Variants in NBEAL1 observed in about 807,000 individuals in gnomAD.
The protein encoded by NBEAL1 is neurobeachin-like protein 1.
Under a neutral mutation model 351.3 loss-of-function variants are expected in NBEAL1, and 273 were observed. The ratio of observed to expected loss-of-function variants is 0.78; its 90% CI spans 0.70 to 0.86. The LOEUF (loss-of-function observed/expected upper bound fraction) is 0.86. Ranked by LOEUF, NBEAL1 falls within the 40% of genes least tolerant of loss-of-function variation. NBEAL1 has a pLI of 0.00. For synonymous variants in NBEAL1, 1,050 were observed against 1,086.4 expected, an observed-to-expected ratio of 0.97 and a Z score of 0.66; for missense variants, 2,961 against 3,201.3, an observed-to-expected ratio of 0.92 and a Z score of 1.81.
At position 203,016,166 on chromosome 2, in the gene NBEAL1, T is replaced by C. The variant is rs1346789999; in HGVS notation, c.-219T>C. On this transcript the variant is annotated 5_prime_UTR_variant, in exon 2 of 56. Coordinates refer to ENST00000683969, the MANE Select transcript of NBEAL1 (RefSeq NM_001378026.1). ...TTTTCTCTTTCACAGATTTATTTAATTGCCCAACTACCACTGATGAAGATA... is the reference window on the plus strand; with the variant it reads ...TTTTCTCTTTCACAGATTTATTTAACTGCCCAACTACCACTGATGAAGATA... 3 of 369,738 alleles carry C rather than the reference T, an allele frequency of 8.1e-6. No individual in the cohort carries two copies. The highest frequency in any genetic ancestry group is 4.5e-5 in the Admixed American group (1 of 22,212). The allele number at this position is 369,738 out of a possible 1,614,324, so 22.9% of individuals were successfully genotyped here. A position where few individuals can be genotyped will look rare whatever the true frequency, so the allele number is the denominator to read the frequency against.
chr2:203,082,813 C>T (rs1016084763), intron 8 of NBEAL1, among the ~76,000 whole-genome samples: 4 of 152,164 alleles, frequency 2.6e-5, no homozygotes, highest in African/African-American at 9.7e-5. Flanking sequence ...TTTCTGTAGC[C>T]TGCTACTTTA....
chr2:203,046,382 A>AT (rs1209061670), intron 3 of NBEAL1, among the ~76,000 whole-genome samples: 1 of 151,396 alleles, frequency 6.6e-6, no homozygotes. Flanking sequence ...CGCTCGGCTA[A>AT]TTTTTTTTGT....
intron 2 of NBEAL1, among the ~76,000 whole-genome samples, chr2:203,034,973 A>T (rs1407526962): frequency 6.7e-6 from 1 of 149,418 alleles, no homozygotes; most frequent in Non-Finnish European, 1.5e-5. Context: ...TGAAATATTT[A>T]TATGCATCTA....
Position 203,180,524 on chromosome 2 carries a change from A to G in NBEAL1, c.6595+12A>G, listed in dbSNP as rs890538268. The G allele has an allele frequency of 1.3e-6, 2 of 1,595,736 alleles. No homozygotes were observed. Among genetic ancestry groups the G allele is most frequent in the Non-Finnish European group, 1.7e-6 (2 of 1,172,926 alleles). ...GGAAAATCAAAATCGTAAGAAATAGAGGATTAAAAATTTGACTAGCAGGTC... is the reference window on the plus strand; with the variant it reads ...GGAAAATCAAAATCGTAAGAAATAGGGGATTAAAAATTTGACTAGCAGGTC... On this transcript the variant is annotated intron_variant, in intron 43 of 55. Coordinates refer to ENST00000683969, the MANE Select transcript of NBEAL1 (RefSeq NM_001378026.1).
intron 12 of NBEAL1, among the ~76,000 whole-genome samples, chr2:203,107,099 A>G (rs1236349925): frequency 2.6e-5 from 4 of 152,154 alleles, no homozygotes; most frequent in African/African-American, 9.7e-5. Flanking sequence ...TACTATAGTA[A>G]TTACAAATCA....
intron 9 of NBEAL1, among the ~76,000 whole-genome samples, chr2:203,084,000 G>A (rs974910867): frequency 3.3e-5 from 5 of 151,386 alleles, no homozygotes; most frequent in Admixed American, 2.6e-4. Flanking sequence ...GTGTGTGTGT[G>A]TGTGTGTGTG....
intron 36 of NBEAL1, 38 bp from the exon 37 acceptor site, chr2:203,166,111 G>A: frequency 6.7e-7 from 1 of 1,497,964 alleles, no homozygotes; most frequent in Non-Finnish European, 8.9e-7. Flanking sequence ...AAAATAAATG[G>A]TTGAATTTTT....
In NBEAL1 at chr2:203,175,116, G is replaced by A. The variant is rs757865103; in HGVS notation, c.6324-31G>A. 13 of 1,581,178 alleles carry A rather than the reference G, an allele frequency of 8.2e-6. No individual in the cohort carries two copies. The African/African-American group carries it at 1.5e-4, about 18-fold the overall frequency. ...CCCCCTTATGTACTTTATTATTGTG[G>A]TTTTAAAACTTTAGGATTTTTTCCC... On this transcript the variant is annotated intron_variant, in intron 41 of 55. Transcript: ENST00000683969.
At chr2:203,117,748 C>CA (rs1328939441) in intron 18 of NBEAL1, among the ~76,000 whole-genome samples, 2 of 152,080 alleles carry the variant, frequency 1.3e-5, no homozygotes, top group Non-Finnish European at 2.9e-5. Context: ...GTGGTGGGAT[C>CA]ATGGCCTACT....
intron 19 of NBEAL1, among the ~76,000 whole-genome samples, chr2:203,123,659 A>G (rs1289524686): frequency 6.6e-6 from 1 of 152,138 alleles, no homozygotes; most frequent in East Asian, 1.9e-4. Flanking sequence ...ATCTGTTACC[A>G]TAGTAGGATT....
At chr2:203,206,447 C>T (rs563274041) in intron 51 of NBEAL1, among the ~76,000 whole-genome samples, 3 of 152,158 alleles carry the variant, frequency 2.0e-5, no homozygotes, top group East Asian at 1.9e-4. Flanking sequence ...CTCTTTCCAC[C>T]GTCTTCCTCT....
chr2:203,104,218 C>A (rs1255286537), intron 12 of NBEAL1, among the ~76,000 whole-genome samples: 2 of 152,096 alleles, frequency 1.3e-5, no homozygotes, highest in Non-Finnish European at 2.9e-5. Context: ...AATTACAAAT[C>A]TAGGTGCTTC....
intron 2 of NBEAL1, among the ~76,000 whole-genome samples, chr2:203,021,010 C>T (rs1199007352): frequency 1.3e-5 from 2 of 152,172 alleles, no homozygotes; most frequent in African/African-American, 2.4e-5. Context: ...AACCTCCAAC[C>T]TTCTGGGTGC....
chr2:203,142,813 T>C (rs2063413789), intron 31 of NBEAL1, among the ~76,000 whole-genome samples: 1 of 152,168 alleles, frequency 6.6e-6, no homozygotes, highest in South Asian at 2.1e-4. Flanking sequence ...ACTCTTGGAA[T>C]TCAGTTCCTT....
chr2:203,020,177 C>A (rs1163719667), intron 2 of NBEAL1, among the ~76,000 whole-genome samples: 1 of 152,248 alleles, frequency 6.6e-6, no homozygotes, highest in Non-Finnish European at 1.5e-5. Flanking sequence ...TGGTTTCTTA[C>A]CAAACTTTTC....
intron 7 of NBEAL1, among the ~76,000 whole-genome samples, chr2:203,070,182 G>A (rs1401829272): frequency 6.6e-6 from 1 of 151,596 alleles, no homozygotes; most frequent in African/African-American, 2.4e-5. Context: ...TTTTATTACT[G>A]AATGGACATT....
At chr2:203,165,057 C>T (rs1395493216) in intron 36 of NBEAL1, among the ~76,000 whole-genome samples, 6 of 152,018 alleles carry the variant, frequency 3.9e-5, no homozygotes, top group Non-Finnish European at 8.8e-5. Flanking sequence ...GACGGAGTTT[C>T]TCCACGTTGG....
chr2:203,151,013 A>G (rs1482815961), intron 34 of NBEAL1, among the ~76,000 whole-genome samples: 2 of 152,218 alleles, frequency 1.3e-5, no homozygotes, highest in Non-Finnish European at 2.9e-5. Flanking sequence ...TAAATGAGAT[A>G]AAAAATGTGA....
intron 50 of NBEAL1, 77 bp from the exon 51 acceptor site, chr2:203,202,610 C>A: frequency 2.4e-6 from 2 of 825,054 alleles, no homozygotes; most frequent in Non-Finnish European, 4.3e-6. Context: ...ATAGTTTGAA[C>A]ATTAACAAAA....
Sources: allele counts gnomAD v4.1 joint callset (sites outside exome capture counted in the v4.1 genomes callset), GRCh38; gene constraint gnomAD v4.1.1; transcripts MANE v1.5; gene names NCBI Gene and HGNC (gene_info 2026-07-23, HGNC 2026-07-21).